C8orf34: variants seen among roughly 807,000 people sequenced by gnomAD.
C8orf34 encodes chromosome 8 open reading frame 34.
Under a neutral mutation model 68.3 loss-of-function variants are expected in C8orf34, and 65 were observed. That is an observed-to-expected ratio of 0.95 (90% CI 0.78 to 1.17). The LOEUF (loss-of-function observed/expected upper bound fraction) is 1.17, where lower values mean the gene tolerates loss of function less well. Among genes scored for constraint, C8orf34 ranks in the 50% most tolerant of loss-of-function variants. The pLI is 0.00. For missense variants in C8orf34, 664 were observed against 655.4 expected (o/e 1.01, Z -0.14); for synonymous variants, 244 against 241.2 (o/e 1.01, Z -0.11).
chr8:68,494,668 A>AGTAGAT (rs1813448559), intron 5 of C8orf34, among the ~76,000 whole-genome samples: 2 of 152,192 alleles, frequency 1.3e-5, no homozygotes, highest in South Asian at 4.1e-4. Flanking sequence ...CAGCTTGGCC[A>AGTAGAT]ACATGGTGAA....
At chr8:68,674,763 A>G (rs1016605866) in intron 8 of C8orf34, among the ~76,000 whole-genome samples, 1 of 152,150 alleles carries the variant, frequency 6.6e-6, no homozygotes, top group African/African-American at 2.4e-5. Context: ...AAACCTAGAT[A>G]AAGATATCAA....
chr8:68,595,083 C>T (rs1392993605), intron 7 of C8orf34, among the ~76,000 whole-genome samples: 1 of 148,294 alleles, frequency 6.7e-6, no homozygotes, highest in Admixed American at 6.7e-5. Flanking sequence ...TGACTTCATC[C>T]AGAGTTTTAG....
At chr8:68,412,265 A>G (rs768991081) in intron 1 of C8orf34, among the ~76,000 whole-genome samples, 1 of 152,228 alleles carries the variant, frequency 6.6e-6, no homozygotes, top group Non-Finnish European at 1.5e-5. Context: ...CATATTTGGG[A>G]TAATTTCTCT....
Position 68,461,459 on chromosome 8 carries a change from C to T in C8orf34, c.608-7233C>T, listed in dbSNP as rs527794517. On this transcript the variant is annotated intron_variant, in intron 3 of 13. Coordinates refer to ENST00000518698, the MANE Select transcript of C8orf34 (RefSeq NM_052958.4). ...CTGAGAACGCCACAAAGATATTCCT[C>T]GAGAAGAGCAACTCCAAGACATATA... Among the ~76,000 whole-genome samples, 12 of 152,176 alleles carry T rather than the reference C, an allele frequency of 7.9e-5. No individual in the cohort carries two copies. The South Asian group carries it at 1.0e-3, about 13-fold the overall frequency.
intron 1 of C8orf34, among the ~76,000 whole-genome samples, chr8:68,375,611 C>A (rs1004532710): frequency 1.1e-4 from 16 of 152,324 alleles, no homozygotes; most frequent in Admixed American, 4.6e-4. Flanking sequence ...CAAGACAAGA[C>A]AATCTTTCAA....
At chr8:68,753,624 C>T (rs1042108071) in intron 10 of C8orf34, among the ~76,000 whole-genome samples, 33 of 152,204 alleles carry the variant, frequency 2.2e-4, no homozygotes, top group African/African-American at 7.0e-4. Context: ...TCTAGATTTA[C>T]AAAGTAACAG....
chr8:68,411,769 T>A lies in C8orf34; in HGVS notation c.328-27730T>A, dbSNP rs114628843. On this transcript the variant is annotated intron_variant, in intron 1 of 13. Coordinates refer to ENST00000518698, the MANE Select transcript of C8orf34 (RefSeq NM_052958.4). The stretch of plus-strand genomic sequence containing the variant: ...AATAAACCACTAGGACTATGTGAGG[T>A]CAGCATGCTGCTAAATTATACAGAT... Among the ~76,000 whole-genome samples the A allele has an allele frequency of 8.5e-3, 1,290 of 152,316 alleles. 24 individuals carry two copies. The highest frequency in any genetic ancestry group is 0.029 in the African/African-American group (1,214 of 41,568).
intron 1 of C8orf34, among the ~76,000 whole-genome samples, chr8:68,379,829 C>T (rs951102052): frequency 5.3e-5 from 8 of 152,066 alleles, no homozygotes; most frequent in Admixed American, 1.3e-4. Context: ...TACATCGTCA[C>T]GCTTCTTGTT....
At position 68,640,467 on chromosome 8, in the gene C8orf34, G is replaced by A. The variant is rs372135095; in HGVS notation, c.1197G>A (p.Glu399=). 1.9e-6 allele frequency: 3 copies of A among 1,613,900 alleles called. No homozygotes were observed. In the East Asian group the frequency reaches 6.7e-5, roughly 36 times the overall value. Residue 399 remains glutamate, a synonymous_variant, in exon 8 of 14, where the codon GAG becomes GAA. Coordinates refer to ENST00000518698, the MANE Select transcript of C8orf34 (RefSeq NM_052958.4). ...AAGGCCGTCCTACTTACCCTGCTGA[G>A]CCTCAGGCCAAGGTCACACTGAACA... ...FNQGRPTYPA[E]PQAKVTLNIC...
intron 7 of C8orf34, among the ~76,000 whole-genome samples, chr8:68,581,584 G>C (rs1308518360): frequency 2.0e-5 from 3 of 152,054 alleles, no homozygotes; most frequent in Non-Finnish European, 4.4e-5. Flanking sequence ...CAAAAGTCAG[G>C]GTGTCAAGGT....
intron 8 of C8orf34, among the ~76,000 whole-genome samples, chr8:68,682,585 A>T (rs920765249): frequency 6.6e-6 from 1 of 152,146 alleles, no homozygotes; most frequent in African/African-American, 2.4e-5. Context: ...GCTTAAAATA[A>T]TACTATGTCA....
At chr8:68,501,949 T>C (rs1487153716) in intron 5 of C8orf34, among the ~76,000 whole-genome samples, 1 of 152,218 alleles carries the variant, frequency 6.6e-6, no homozygotes, top group African/African-American at 2.4e-5. Context: ...AGTAAATATT[T>C]TGACATTTCA....
intron 5 of C8orf34, among the ~76,000 whole-genome samples, chr8:68,505,735 C>T (rs1813988698): frequency 1.2e-5 from 1 of 80,678 alleles, no homozygotes; most frequent in Non-Finnish European, 2.0e-5. Context: ...GAGACTCCGT[C>T]TCCAAAAAAA....
intron 12 of C8orf34, among the ~76,000 whole-genome samples, chr8:68,793,782 G>T (rs4351406): frequency 6.6e-6 from 1 of 152,082 alleles, no homozygotes; most frequent in African/African-American, 2.4e-5. Flanking sequence ...AAACCTGCAC[G>T]TCCTGCCCAT....
chr8:68,346,267 C>CTTT (rs76583643), intron 1 of C8orf34, among the ~76,000 whole-genome samples: 1 of 133,482 alleles, frequency 7.5e-6, no homozygotes, highest in African/African-American at 2.8e-5. Context: ...ATCTCCCTAC[C>CTTT]TTTTTTTTTT....
chr8:68,796,633 A>G (rs1047140024), intron 12 of C8orf34, among the ~76,000 whole-genome samples: 16 of 152,320 alleles, frequency 1.1e-4, no homozygotes, highest in Non-Finnish European at 1.9e-4. Flanking sequence ...ATAATTTTAA[A>G]TGAACAGATC....
chr8:68,512,549 A>T (rs1814322066), intron 5 of C8orf34, among the ~76,000 whole-genome samples: 1 of 152,160 alleles, frequency 6.6e-6, no homozygotes, highest in Admixed American at 6.5e-5. Context: ...TAAATTATTT[A>T]TTTTGCCAAA....
intron 12 of C8orf34, among the ~76,000 whole-genome samples, chr8:68,788,778 G>C (rs1355890282): frequency 6.6e-6 from 1 of 152,052 alleles, no homozygotes; most frequent in Non-Finnish European, 1.5e-5. Flanking sequence ...AGAATTGCTT[G>C]AAACTGGGAG....
At chr8:68,524,214 C>T (rs781414788) in intron 6 of C8orf34, among the ~76,000 whole-genome samples, 13 of 152,128 alleles carry the variant, frequency 8.5e-5, no homozygotes, top group Non-Finnish European at 1.9e-4. Flanking sequence ...TAGAGTTTCA[C>T]CATTAGATTA....
Sources: gnomAD v4.1 joint callset for allele counts (sites outside exome capture counted in the v4.1 genomes callset) on GRCh38, gnomAD v4.1.1 for gene constraint, MANE v1.5 for transcripts, NCBI Gene and HGNC (gene_info 2026-07-23, HGNC 2026-07-21) for gene names.